BRWD3: variants seen among roughly 807,000 people sequenced by gnomAD.
The protein encoded by BRWD3 is bromodomain and WD repeat domain containing 3.
A neutral mutation model predicts 149.7 loss-of-function variants in BRWD3; 10 were observed. That is an observed-to-expected ratio of 0.07 (90% confidence interval 0.04 to 0.11). The LOEUF (loss-of-function observed/expected upper bound fraction) is 0.11. Ranked by LOEUF, BRWD3 falls within the 10% of genes least tolerant of loss-of-function variation. The pLI, the probability that BRWD3 is intolerant of heterozygous loss-of-function variation, is 1.00. For missense variants in BRWD3, 940 were observed against 1,373.2 expected (o/e 0.68, Z 4.99); for synonymous variants, 504 against 456.7 (o/e 1.10, Z -1.32).
chrX:80,682,764 A>G, intron 37 of BRWD3, 136 bp from the exon 38 acceptor site: 1 of 567,007 alleles, frequency 1.8e-6, no homozygotes, highest in Non-Finnish European at 2.7e-6. Flanking sequence ...TCAAATAACT[A>G]AAGTAAGATA....
At chrX:80,795,826 G>T (rs1195833275) in intron 4 of BRWD3, among the ~76,000 whole-genome samples, 1 of 110,911 alleles carries the variant, frequency 9.0e-6, no homozygotes, top group Non-Finnish European at 1.9e-5. Flanking sequence ...AGCTACTCGG[G>T]AGACTGCAGT....
intron 14 of BRWD3, 88 bp downstream of exon 14, chrX:80,728,664 T>C: frequency 3.5e-6 from 3 of 852,082 alleles, no homozygotes; most frequent in Non-Finnish European, 5.0e-6. Flanking sequence ...TAGTATATCA[T>C]AGAAAGGAAC....
At chrX:80,685,437 T>G in intron 36 of BRWD3, 25 bp downstream of exon 36, 1 of 1,157,854 alleles carries the variant, frequency 8.6e-7, no homozygotes, top group Non-Finnish European at 1.2e-6. Flanking sequence ...AATCAATATG[T>G]CTTTTAAGAG....
At chrX:80,719,942 C>T (rs1463306376) in intron 17 of BRWD3, among the ~76,000 whole-genome samples, 1 of 111,119 alleles carries the variant, frequency 9.0e-6, no homozygotes, top group African/African-American at 3.3e-5. Context: ...ACCACATATA[C>T]GACGGTAGTC....
intron 6 of BRWD3, among the ~76,000 whole-genome samples, chrX:80,751,551 AT>A (rs925298988): frequency 8.9e-6 from 1 of 112,007 alleles, no homozygotes; most frequent in Admixed American, 9.5e-5. Context: ...AGCAAAATAC[AT>A]TTTTTTAAAA....
intron 40 of BRWD3, among the ~76,000 whole-genome samples, chrX:80,678,637 G>C (rs942418442): frequency 9.0e-6 from 1 of 111,501 alleles, no homozygotes; most frequent in African/African-American, 3.3e-5. Flanking sequence ...CAACGTGGCT[G>C]AAGACTGAGA....
intron 6 of BRWD3, among the ~76,000 whole-genome samples, chrX:80,773,994 C>T (rs747470856): frequency 6.3e-5 from 7 of 111,967 alleles, no homozygotes; most frequent in Non-Finnish European, 1.3e-4. Flanking sequence ...CACGTATTTG[C>T]TGAATTGAAT....
At chrX:80,742,004 G>T (rs2073518597) in intron 8 of BRWD3, among the ~76,000 whole-genome samples, 1 of 111,462 alleles carries the variant, frequency 9.0e-6, no homozygotes, top group Admixed American at 9.5e-5. Flanking sequence ...GTCCTGAATG[G>T]TATTGCCTAG....
intron 16 of BRWD3, 70 bp from the exon 17 acceptor site, chrX:80,722,857 T>C: frequency 1.1e-6 from 1 of 928,190 alleles, no homozygotes; most frequent in Non-Finnish European, 1.6e-6. Flanking sequence ...TTTCATTCCT[T>C]GAGCACACTC....
In BRWD3 at chrX:80,686,859, T is replaced by A. The variant is rs2072534019; in HGVS notation, c.4005+4A>T. Reference sequence around the variant, plus strand: ...GACAATTATTTAAACAACTGTATGCTTACTGGGTAAGAAAGAAGATCAGCT... The same window carrying A: ...GACAATTATTTAAACAACTGTATGCATACTGGGTAAGAAAGAAGATCAGCT... On this transcript the variant is annotated splice_donor_region_variant and intron_variant, in intron 35 of 40. Coordinates refer to ENST00000373275, the MANE Select transcript of BRWD3 (RefSeq NM_153252.5). 1 of 1,206,912 alleles carries A rather than the reference T, an allele frequency of 8.3e-7. No individual in the cohort carries two copies. The highest frequency in any genetic ancestry group is 2.2e-5 in the Admixed American group (1 of 45,516).
intron 35 of BRWD3, 148 bp from the exon 36 acceptor site, chrX:80,685,684 C>T (rs1015000912): frequency 1.5e-5 from 7 of 480,913 alleles, no homozygotes; most frequent in African/African-American, 4.8e-5. Flanking sequence ...ATTGTACATT[C>T]GTCATTCTCC....
intron 16 of BRWD3, among the ~76,000 whole-genome samples, chrX:80,723,219 T>C (rs1327176257): frequency 1.8e-5 from 2 of 111,453 alleles, no homozygotes; most frequent in African/African-American, 6.5e-5. Context: ...AAACCTGATA[T>C]TAATGCAATT....
chrX:80,690,120 C>T (rs1033189334), intron 31 of BRWD3, 28 bp from the exon 32 acceptor site: 1 of 1,189,938 alleles, frequency 8.4e-7, no homozygotes, highest in Non-Finnish European at 1.1e-6. Flanking sequence ...CTCTGTTAGC[C>T]TTGGCTAATA....
At chrX:80,712,273 C>T (rs1393384526) in intron 20 of BRWD3, among the ~76,000 whole-genome samples, 4 of 111,225 alleles carry the variant, frequency 3.6e-5, no homozygotes, top group African/African-American at 9.8e-5. Context: ...CTCAGCCTGC[C>T]GAGTGCCTGT....
intron 6 of BRWD3, among the ~76,000 whole-genome samples, chrX:80,750,261 C>T (rs2073647553): frequency 9.0e-6 from 1 of 111,146 alleles, no homozygotes; most frequent in Non-Finnish European, 1.9e-5. Context: ...AACTAAAAAG[C>T]TTCTGTACAG....
At chrX:80,772,286 C>G (rs2073952838) in intron 6 of BRWD3, among the ~76,000 whole-genome samples, 1 of 111,487 alleles carries the variant, frequency 9.0e-6, no homozygotes, top group Non-Finnish European at 1.9e-5. Context: ...TACTATGCAG[C>G]CATAAAAAAG....
intron 27 of BRWD3, among the ~76,000 whole-genome samples, chrX:80,695,384 T>C (rs1269455745): frequency 1.8e-5 from 2 of 112,296 alleles, no homozygotes; most frequent in Non-Finnish European, 3.8e-5. Context: ...AAAAAGTTGA[T>C]AGTTTAAAAA....
At chrX:80,794,234 A>C (rs2074213137) in intron 4 of BRWD3, among the ~76,000 whole-genome samples, 2 of 111,669 alleles carry the variant, frequency 1.8e-5, no homozygotes, top group South Asian at 7.4e-4. Flanking sequence ...AGCCGGGTGC[A>C]GTAGCTCAGG....
chrX:80,792,580 A>G (rs1216688154), intron 5 of BRWD3, among the ~76,000 whole-genome samples: 1 of 112,236 alleles, frequency 8.9e-6, no homozygotes, highest in African/African-American at 3.2e-5. Context: ...AACTCAATTA[A>G]GAATTTCCTT....
Sources: allele counts gnomAD v4.1 joint callset (sites outside exome capture counted in the v4.1 genomes callset), GRCh38; gene constraint gnomAD v4.1.1; transcripts MANE v1.5; gene names NCBI Gene and HGNC (gene_info 2026-07-23, HGNC 2026-07-21).